Variants in PTPN14 observed in about 807,000 individuals in gnomAD.
PTPN14 encodes the protein tyrosine-protein phosphatase non-receptor type 14.
A neutral mutation model predicts 126.8 loss-of-function variants in PTPN14; 53 were observed. That is an observed-to-expected ratio of 0.42 (90% CI 0.34 to 0.53). PTPN14 has a LOEUF of 0.53. PTPN14 is among the 20% of genes least tolerant of loss of function. The pLI is 0.08. For synonymous variants in PTPN14, 630 were observed against 599.3 expected, an observed-to-expected ratio of 1.05 and a Z score of -0.75; for missense variants, 1,257 against 1,552.9, an observed-to-expected ratio of 0.81 and a Z score of 3.20.
chr1:214,492,348 T>C (rs190536318), intron 1 of PTPN14, among the ~76,000 whole-genome samples: 26 of 152,324 alleles, frequency 1.7e-4, no homozygotes, highest in Middle Eastern at 3.4e-3. Flanking sequence ...GCCTCTGGCA[T>C]CTGCAGATTC....
At chr1:214,531,499 A>ACACACACACACACACACAC (rs1655545929) in intron 1 of PTPN14, 7 of 129,558 alleles carry the variant, frequency 5.4e-5, no homozygotes, top group African/African-American at 1.8e-4. Flanking sequence ...AACCCAGCCT[A>ACACACACACACACACACAC]ACACACACAC....
intron 2 of PTPN14, among the ~76,000 whole-genome samples, chr1:214,454,976 G>T (rs904209561): frequency 6.6e-5 from 10 of 152,228 alleles, no homozygotes; most frequent in African/African-American, 2.4e-4. Flanking sequence ...CCTGATTTTT[G>T]AAGCTATGCC....
intron 4 of PTPN14, among the ~76,000 whole-genome samples, chr1:214,413,049 A>G (rs114337711): frequency 0.017 from 2,589 of 151,996 alleles, 76 homozygotes; most frequent in African/African-American, 0.059. Context: ...TTTTATTTTT[A>G]CTTTTTTCGT....
intron 2 of PTPN14, among the ~76,000 whole-genome samples, chr1:214,456,054 T>C (rs1276548056): frequency 1.3e-5 from 2 of 152,196 alleles, no homozygotes; most frequent in Non-Finnish European, 2.9e-5. Flanking sequence ...TCCCCCACCT[T>C]AGCTATTAAA....
intron 5 of PTPN14, among the ~76,000 whole-genome samples, chr1:214,411,181 T>C (rs957371659): frequency 2.0e-5 from 3 of 151,752 alleles, no homozygotes; most frequent in Non-Finnish European, 4.4e-5. Context: ...TACTCCTAGG[T>C]ATTTTTTTTT....
intron 3 of PTPN14, among the ~76,000 whole-genome samples, chr1:214,436,548 G>A (rs1245465026): frequency 1.3e-5 from 2 of 152,156 alleles, no homozygotes; most frequent in South Asian, 2.1e-4. Flanking sequence ...TGTAATCCCA[G>A]CACTTTGGGA....
At chr1:214,366,398 A>G (rs1410877773) in intron 17 of PTPN14, among the ~76,000 whole-genome samples, 2 of 152,250 alleles carry the variant, frequency 1.3e-5, no homozygotes, top group Admixed American at 6.5e-5. Context: ...GAAGAAAAAT[A>G]AAAGGAATGT....
intron 3 of PTPN14, among the ~76,000 whole-genome samples, chr1:214,426,032 C>CAAAAAAAAAAAAAA (rs66656875): frequency 2.1e-4 from 7 of 33,852 alleles, no homozygotes; most frequent in Admixed American, 5.3e-4. Context: ...GCATAAATCG[C>CAAAAAAAAAAAAAA]AAAAAAAAAA....
At position 214,464,623 on chromosome 1, in the gene PTPN14, C is replaced by T; in HGVS notation, c.174+7G>A. 1 of 1,613,888 alleles carries T rather than the reference C, an allele frequency of 6.2e-7. No homozygotes were observed. Among genetic ancestry groups the T allele is most frequent in the South Asian group, 1.1e-5 (1 of 91,076 alleles). ...CGCACATGCGCACACAGACACACCC[C>T]TCTTACCTCTCGCAGCTCCAGCCTC... On this transcript the variant is annotated splice_region_variant and intron_variant, in intron 2 of 18. Coordinates refer to ENST00000366956, the MANE Select transcript of PTPN14 (RefSeq NM_005401.5).
chr1:214,495,514 A>G (rs1661340647), intron 1 of PTPN14, among the ~76,000 whole-genome samples: 1 of 152,180 alleles, frequency 6.6e-6, no homozygotes, highest in Non-Finnish European at 1.5e-5. Context: ...ATTGGTCAGA[A>G]AATCTGCAGT....
rs570059783 is a variant in PTPN14, at chr1:214,421,721, C to A, written c.345-6995G>T. On this transcript the variant is annotated intron_variant, in intron 3 of 18. Coordinates refer to ENST00000366956, the MANE Select transcript of PTPN14 (RefSeq NM_005401.5). ...TTCCAACTTCATATCTCACCACACA[C>A]CCCATACCTGAGCTGTCGTAAGTGT... Among the ~76,000 whole-genome samples, 5 of 152,216 alleles carry A rather than the reference C, an allele frequency of 3.3e-5. No individual in the cohort carries two copies. The East Asian group carries it at 9.7e-4, about 29-fold the overall frequency.
In PTPN14 at chr1:214,383,735, C is replaced by T; in HGVS notation, c.2120G>A (p.Ser707Asn). ...CTCCTCCTCCTCCTCACTCTCGCTG[C>T]TGTGGATTAGCATAGTGGCATCAGA... is the stretch of plus-strand genomic sequence containing the variant. ...TFSDATMLIH[S>N]SESEEEEEEA... Residue 707 changes from serine (S) to asparagine (N), a missense_variant, in exon 13 of 19, where the codon AGC becomes AAC. By Grantham distance (46) the Ser-to-Asn change is conservative (BLOSUM62 1). Coordinates refer to ENST00000366956, the MANE Select transcript of PTPN14 (RefSeq NM_005401.5). This position sits in a 1 kb window ranked among gnomAD's most constrained non-coding sequence, Gnocchi z 4.4. 6.2e-7 allele frequency: 1 copy of T among 1,613,582 alleles called. No homozygotes were observed. The highest frequency in any genetic ancestry group is 1.1e-5 in the South Asian group (1 of 91,090).
intron 1 of PTPN14, among the ~76,000 whole-genome samples, chr1:214,495,658 ATTTT>A (rs770545609): frequency 0.14 from 8,123 of 57,312 alleles, 745 homozygotes; most frequent in African/African-American, 0.42. Context: ...GTGCTATTTT[ATTTT>A]TTTTATTTAT....
At chr1:214,376,690 T>G (rs1286747565) in intron 14 of PTPN14, among the ~76,000 whole-genome samples, 2 of 152,206 alleles carry the variant, frequency 1.3e-5, no homozygotes, top group Non-Finnish European at 2.9e-5. Context: ...ATCAATATTT[T>G]TGCTATTAAC....
intron 1 of PTPN14, among the ~76,000 whole-genome samples, chr1:214,525,645 T>C (rs1285173368): frequency 2.0e-5 from 3 of 152,222 alleles, no homozygotes; most frequent in Admixed American, 6.5e-5. Flanking sequence ...CTAGAATTCA[T>C]GAATCTGTAC....
chr1:214,455,262 A>G (rs4072974), intron 2 of PTPN14, among the ~76,000 whole-genome samples: 41,099 of 152,190 alleles, frequency 0.27, 6,304 homozygotes, highest in Non-Finnish European at 0.34. Context: ...TAACTTGCCA[A>G]TTTAAACTCT....
intron 7 of PTPN14, among the ~76,000 whole-genome samples, chr1:214,398,479 C>T (rs1417450912): frequency 6.6e-6 from 1 of 152,160 alleles, no homozygotes; most frequent in African/African-American, 2.4e-5. Context: ...AACAAGGTCT[C>T]ACTGTTGCCC....
chr1:214,433,267 C>T (rs1359383177), intron 3 of PTPN14, among the ~76,000 whole-genome samples: 2 of 149,152 alleles, frequency 1.3e-5, no homozygotes, highest in Non-Finnish European at 3.0e-5. Context: ...AAAATGACTA[C>T]TAGCACAAAG....
chr1:214,542,054 C>T (rs1412284282), intron 1 of PTPN14, among the ~76,000 whole-genome samples: 1 of 152,128 alleles, frequency 6.6e-6, no homozygotes, highest in Non-Finnish European at 1.5e-5. Context: ...GCTCACCATA[C>T]CCTGTCTTTT....
Sources: gnomAD v4.1 joint callset for allele counts (sites outside exome capture counted in the v4.1 genomes callset) on GRCh38, gnomAD v4.1.1 for gene constraint, Gnocchi (gnomAD v3.1) non-coding constraint, MANE v1.5 for transcripts, NCBI Gene and HGNC (gene_info 2026-07-23, HGNC 2026-07-21) for gene names.